The following PLCXD3 variants were observed in gnomAD, a reference collection of about 807,000 sequenced individuals.
PLCXD3 encodes phosphatidylinositol specific phospholipase C X domain containing 3.
In PLCXD3, 19 loss-of-function variants were observed where a neutral mutation model predicts 25.5. That is an observed-to-expected ratio of 0.75 (90% CI 0.52 to 1.09). The LOEUF (loss-of-function observed/expected upper bound fraction) is 1.09, where lower values mean the gene tolerates loss of function less well. Ranked by LOEUF, PLCXD3 falls within the 50% of genes least tolerant of loss-of-function variation. The pLI, the probability that PLCXD3 is intolerant of heterozygous loss-of-function variation, is 0.00. For missense variants in PLCXD3, 411 were observed against 388.1 expected, an observed-to-expected ratio of 1.06 and a Z score of -0.50; for synonymous variants, 174 against 137.6, an observed-to-expected ratio of 1.26 and a Z score of -1.85.
In PLCXD3 at chr5:41,428,325, C is replaced by A. The variant is rs190592041; in HGVS notation, c.104-45791G>T. Among the ~76,000 whole-genome samples, 23 of 151,878 alleles carry A rather than the reference C, an allele frequency of 1.5e-4. No individual in the cohort carries two copies. In the East Asian group the frequency reaches 4.2e-3, roughly 28 times the overall value. On this transcript the variant is annotated intron_variant, in intron 1 of 2. Transcript: ENST00000377801. Reference sequence around the variant, plus strand: ...AAATTCATATGTTGAAGCCCTAACCCCCAGTACCTCAGAATAGGGTCTTTA... The same window carrying A: ...AAATTCATATGTTGAAGCCCTAACCACCAGTACCTCAGAATAGGGTCTTTA...
rs1434027426 is a variant in PLCXD3, at chr5:41,307,084, C to T, written c.*6533G>A. ...CTGTAGCCATGGATTTTCTTTACAC[C>T]ACATTTATTAAAGTATCAATAACCA... On this transcript the variant is annotated 3_prime_UTR_variant, in exon 3 of 3. Transcript: ENST00000377801. 2 of 152,430 alleles carry T rather than the reference C, an allele frequency of 1.3e-5. No homozygotes were observed. The highest frequency in any genetic ancestry group is 4.8e-5 in the African/African-American group (2 of 41,386). The allele number at this position is 152,430 out of a possible 1,614,324, so 9.4% of individuals were successfully genotyped here.
At chr5:41,368,659 T>C (rs1179476768) in intron 2 of PLCXD3, among the ~76,000 whole-genome samples, 1 of 152,182 alleles carries the variant, frequency 6.6e-6, no homozygotes, top group Non-Finnish European at 1.5e-5. Flanking sequence ...TTCAGTATGA[T>C]GTTGGCTGTG....
At chr5:41,452,500 G>A (rs1458432099) in intron 1 of PLCXD3, among the ~76,000 whole-genome samples, 1 of 151,900 alleles carries the variant, frequency 6.6e-6, no homozygotes, top group South Asian at 2.1e-4. Flanking sequence ...ACCTATGTGC[G>A]TGCTGTTAAG....
At chr5:41,477,981 A>G (rs1402116257) in intron 1 of PLCXD3, among the ~76,000 whole-genome samples, 2 of 152,184 alleles carry the variant, frequency 1.3e-5, no homozygotes, top group African/African-American at 4.8e-5. Flanking sequence ...ACAGACATAT[A>G]CTGTCTAGGA....
intron 1 of PLCXD3, among the ~76,000 whole-genome samples, chr5:41,425,385 C>G (rs1283766877): frequency 6.6e-6 from 1 of 151,860 alleles, no homozygotes; most frequent in East Asian, 1.9e-4. Context: ...TTCCCATATA[C>G]CTGCTTCCCC....
Position 41,307,513 on chromosome 5 carries a change from A to G in PLCXD3, c.*6104T>C, listed in dbSNP as rs1180913443. On this transcript the variant is annotated 3_prime_UTR_variant, in exon 3 of 3. Transcript: ENST00000377801. ...CTTGGGTTTTCAATTCCAAAAAAAAATAGTACTGGTCGTTATAATTTGCTT... is the reference window on the plus strand; with the variant it reads ...CTTGGGTTTTCAATTCCAAAAAAAAGTAGTACTGGTCGTTATAATTTGCTT... The G allele has an allele frequency of 1.3e-5, 2 of 152,194 alleles. No homozygotes were observed. Among genetic ancestry groups the G allele is most frequent in the African/African-American group, 2.4e-5 (1 of 41,418 alleles). The allele number at this position is 152,194 out of a possible 1,614,324, so 9.4% of individuals were successfully genotyped here.
At chr5:41,362,422 C>T (rs1309773769) in intron 2 of PLCXD3, among the ~76,000 whole-genome samples, 8 of 152,144 alleles carry the variant, frequency 5.3e-5, no homozygotes, top group Non-Finnish European at 1.2e-4. Context: ...GGCTAAGGCT[C>T]ATTTCTTCCA....
intron 2 of PLCXD3, among the ~76,000 whole-genome samples, chr5:41,374,226 A>ATTT (rs1745211869): frequency 6.6e-6 from 1 of 152,146 alleles, no homozygotes; most frequent in Non-Finnish European, 1.5e-5. Context: ...TCTGTTAAGA[A>ATTT]TGAAACACTT....
chr5:41,444,960 T>C (rs1747462685), intron 1 of PLCXD3, among the ~76,000 whole-genome samples: 1 of 152,234 alleles, frequency 6.6e-6, no homozygotes, highest in South Asian at 2.1e-4. Flanking sequence ...AGTTGGTTTA[T>C]ATTCTTGAAG....
At chr5:41,452,317 G>A (rs951549066) in intron 1 of PLCXD3, among the ~76,000 whole-genome samples, 2 of 152,036 alleles carry the variant, frequency 1.3e-5, no homozygotes, top group African/African-American at 4.8e-5. Context: ...AGAAAAATCT[G>A]TATACATAAA....
At chr5:41,337,671 A>G (rs561516655) in intron 2 of PLCXD3, among the ~76,000 whole-genome samples, 7 of 152,336 alleles carry the variant, frequency 4.6e-5, no homozygotes, top group Admixed American at 6.5e-5. Flanking sequence ...GCAATCATGC[A>G]TAATTATCAG....
Position 41,437,557 on chromosome 5 carries a change from C to T in PLCXD3, c.104-55023G>A, listed in dbSNP as rs555398142. Among the ~76,000 whole-genome samples, 3 of 152,152 alleles carry T rather than the reference C, an allele frequency of 2.0e-5. No individual in the cohort carries two copies. In the East Asian group the frequency reaches 5.8e-4, roughly 29 times the overall value. On this transcript the variant is annotated intron_variant, in intron 1 of 2. Transcript: ENST00000377801. Reference sequence around the variant, plus strand: ...GATCTCAGTTTTCTTTCTTCTAGACCCATTACACAGCAAATTCACAAACTT... The same window carrying T: ...GATCTCAGTTTTCTTTCTTCTAGACTCATTACACAGCAAATTCACAAACTT...
chr5:41,402,402 T>C, intron 1 of PLCXD3, among the ~76,000 whole-genome samples: 1 of 151,774 alleles, frequency 6.6e-6, no homozygotes. Context: ...GGCAGCTTTT[T>C]GTTATTCTTT....
chr5:41,477,012 C>A (rs1004599358), intron 1 of PLCXD3, among the ~76,000 whole-genome samples: 1 of 152,116 alleles, frequency 6.6e-6, no homozygotes, highest in Non-Finnish European at 1.5e-5. Flanking sequence ...CTTCCCATTT[C>A]CTGCTGCAAC....
intron 1 of PLCXD3, among the ~76,000 whole-genome samples, chr5:41,502,849 A>T (rs1345815219): frequency 6.6e-6 from 1 of 152,170 alleles, no homozygotes; most frequent in African/African-American, 2.4e-5. Context: ...CTCATGCTGG[A>T]CCAAGAAATT....
At position 41,466,086 on chromosome 5, in the gene PLCXD3, A is replaced by T. The variant is rs145161315; in HGVS notation, c.103+44338T>A. ...GTGGAAAAAAGTATTGCTTTCTTTT[A>T]TGCTCTCTTTTCCAATCTCCTGAAG... On this transcript the variant is annotated intron_variant, in intron 1 of 2. Coordinates refer to ENST00000377801, the MANE Select transcript of PLCXD3 (RefSeq NM_001005473.3). 7.2e-3 allele frequency among the ~76,000 whole-genome samples: 1,097 copies of T among 152,178 alleles called. 20 individuals are homozygous for T. The highest frequency in any genetic ancestry group is 0.025 in the African/African-American group (1,043 of 41,556).
At chr5:41,367,568 A>C (rs1268058500) in intron 2 of PLCXD3, among the ~76,000 whole-genome samples, 3 of 152,028 alleles carry the variant, frequency 2.0e-5, no homozygotes, top group African/African-American at 7.2e-5. Context: ...AGATTGCAAA[A>C]CTTTTCTCCC....
At chr5:41,430,706 C>A (rs2150508562) in intron 1 of PLCXD3, among the ~76,000 whole-genome samples, 1 of 152,256 alleles carries the variant, frequency 6.6e-6, no homozygotes, top group East Asian at 1.9e-4. Context: ...TTCTGAATCC[C>A]TTCCAGGGGT....
At chr5:41,368,399 CT>C (rs1744998274) in intron 2 of PLCXD3, among the ~76,000 whole-genome samples, 1 of 152,112 alleles carries the variant, frequency 6.6e-6, no homozygotes. Flanking sequence ...TCCTGAGACT[CT>C]GGTGAAGTTG....
Sources: allele counts gnomAD v4.1 joint callset (sites outside exome capture counted in the v4.1 genomes callset), GRCh38; gene constraint gnomAD v4.1.1; transcripts MANE v1.5; gene names NCBI Gene and HGNC (gene_info 2026-07-23, HGNC 2026-07-21).